MCM10: variants seen among roughly 807,000 people sequenced by gnomAD.
MCM10 encodes the protein protein MCM10 homolog.
Under a neutral mutation model 109.9 loss-of-function variants are expected in MCM10, and 91 were observed. The observed-to-expected ratio is 0.83, with a 90% CI of 0.70 to 0.99. The LOEUF is 0.99. Ranked by LOEUF, MCM10 falls within the 50% of genes least tolerant of loss-of-function variation. The pLI is 0.00. For missense variants in MCM10, 1,077 were observed against 1,061.2 expected (o/e 1.01, Z -0.21); for synonymous variants, 380 against 387.2 (o/e 0.98, Z 0.22).
At chr10:13,190,967 A>G (rs1039590347) in intron 10 of MCM10, among the ~76,000 whole-genome samples, 19 of 152,348 alleles carry the variant, frequency 1.2e-4, no homozygotes, top group African/African-American at 4.3e-4. Context: ...AGCTGCCATT[A>G]ATATCCTAAA....
chr10:13,187,813 G>A (rs1834294150), intron 9 of MCM10, among the ~76,000 whole-genome samples: 1 of 152,082 alleles, frequency 6.6e-6, no homozygotes, highest in South Asian at 2.1e-4. Context: ...TCAGAGTGAA[G>A]TACCCAACAG....
intron 18 of MCM10, 79 bp from the exon 19 acceptor site, chr10:13,209,012 C>A: frequency 1.0e-6 from 1 of 971,230 alleles, no homozygotes; most frequent in Non-Finnish European, 1.7e-6. Flanking sequence ...CTACTCTCCC[C>A]AGGTGCAGTG....
chr10:13,175,693 A>C lies in MCM10; in HGVS notation c.764+12A>C. On this transcript the variant is annotated intron_variant, in intron 6 of 19. Coordinates refer to ENST00000378714, the MANE Select transcript of MCM10 (RefSeq NM_018518.5). The stretch of plus-strand genomic sequence containing the variant: ...GGTCTGCGGCTCAGGTCAGTAGCTA[A>C]ACCATCTATTCATGTGCGCCACGGC... 1 of 1,576,754 alleles carries C rather than the reference A, an allele frequency of 6.3e-7. No homozygotes were observed. Among genetic ancestry groups the C allele is most frequent in the East Asian group, 2.3e-5 (1 of 44,320 alleles).
chr10:13,182,858 G>T lies in MCM10; in HGVS notation c.931-75G>T. On this transcript the variant is annotated intron_variant, in intron 7 of 19. Transcript: ENST00000378714. This position sits in a 1 kb window ranked among gnomAD's most constrained non-coding sequence, Gnocchi z 4.2. ...GATTATAGGCATATAGTTTTCCATA[G>T]TAAAACTCTTGAATCATAAATGAGG... 8.1e-7 allele frequency: 1 copy of T among 1,229,328 alleles called. No individual in the cohort carries two copies. The allele number at this position is 1,229,328 out of a possible 1,614,324, so 76.2% of individuals were successfully genotyped here.
chr10:13,175,436 T>TAAAAAC, intron 5 of MCM10, 74 bp from the exon 6 acceptor site: 2 of 1,343,428 alleles, frequency 1.5e-6, no homozygotes, highest in Non-Finnish European at 2.1e-6. Flanking sequence ...AACAAATCCG[T>TAAAAAC]AAAAACAAAT....
chr10:13,200,343 TTGCAGACAG>T (rs1834481012), intron 16 of MCM10, among the ~76,000 whole-genome samples: 1 of 152,156 alleles, frequency 6.6e-6, no homozygotes, highest in Non-Finnish European at 1.5e-5. Context: ...GTCACATGCA[TTGCAGACAG>T]TGCAGCACCC....
At chr10:13,201,671 G>T (rs905819391) in intron 17 of MCM10, 137 bp downstream of exon 17, 12 of 666,692 alleles carry the variant, frequency 1.8e-5, no homozygotes, top group Admixed American at 2.5e-5. Context: ...AGCAAAGGGC[G>T]CAGGTGGCCC....
chr10:13,200,744 G>A (rs1048791106), intron 16 of MCM10, among the ~76,000 whole-genome samples: 1 of 152,274 alleles, frequency 6.6e-6, no homozygotes, highest in South Asian at 2.1e-4. Context: ...AATACCTTGT[G>A]TATGTGGAGT....
rs756325848 is a variant in MCM10 at position 13,210,572 on chromosome 10, T to C, written c.*1262T>C. On this transcript the variant is annotated 3_prime_UTR_variant, in exon 20 of 20. Transcript: ENST00000378714. ...ACTTTTGGGAGGTTGTTGTGGGAGA[T>C]GGTTGATTTAGGTTTTCAAAAGCTA... is the stretch of plus-strand genomic sequence containing the variant. The C allele has an allele frequency of 6.6e-6, 1 of 152,298 alleles. No homozygotes were observed. Among genetic ancestry groups the C allele is most frequent in the East Asian group, 1.9e-4 (1 of 5,192 alleles). The allele number at this position is 152,298 out of a possible 1,614,324, so 9.4% of individuals were successfully genotyped here.
Position 13,201,512 on chromosome 10 carries a change from G to T in MCM10, c.2330G>T (p.Cys777Phe). ...ATGAGAAACATCAGAGAAGTGAAGT[G>T]CCGTGTCGTGACATGCAAGACGGTG... is the stretch of plus-strand genomic sequence containing the variant. ...EKMRNIREVKCRVVTCKTCAY... is the reference protein window; with the variant it reads ...EKMRNIREVKFRVVTCKTCAY... Residue 777 changes from cysteine to phenylalanine, a missense_variant, in exon 17 of 20, where the codon TGC becomes TTC. Cys to Phe is a radical substitution (Grantham distance 205, BLOSUM62 -2). Transcript: ENST00000378714. 1 of 1,610,922 alleles carries T rather than the reference G, an allele frequency of 6.2e-7. No homozygotes were observed. Among genetic ancestry groups the T allele is most frequent in the Non-Finnish European group, 8.5e-7 (1 of 1,178,448 alleles).
intron 16 of MCM10, among the ~76,000 whole-genome samples, chr10:13,199,307 C>G (rs1183910313): frequency 6.6e-6 from 1 of 152,174 alleles, no homozygotes; most frequent in Admixed American, 6.5e-5. Context: ...TTGTCCTTGT[C>G]TCTTTACTGA....
Position 13,201,481 on chromosome 10 carries a change from G to T in MCM10, c.2299G>T (p.Glu767Ter). The T allele has an allele frequency of 6.2e-7, 1 of 1,613,132 alleles. No individual in the cohort carries two copies. Among genetic ancestry groups the T allele is most frequent in the Non-Finnish European group, 8.5e-7 (1 of 1,179,556 alleles). Residue 767 changes from glutamate to a stop codon, truncating the protein, a stop_gained, in exon 17 of 20, where the codon GAA becomes TAA. Coordinates refer to ENST00000378714, the MANE Select transcript of MCM10 (RefSeq NM_018518.5). LOFTEE classifies it high-confidence loss of function. ...ACTGGTGAAAAAAGAACAAATGGAA[G>T]AAAAGATGAGAAACATCAGAGAAGT... ...EPLVKKEQME[E>*]KMRNIREVKC...
chr10:13,189,227 C>G, intron 10 of MCM10, 147 bp downstream of exon 10: 1 of 808,306 alleles, frequency 1.2e-6, no homozygotes. Flanking sequence ...TGGTTAAAGA[C>G]CGCTTTTATT....
At chr10:13,204,985 T>G (rs1834551448) in intron 18 of MCM10, among the ~76,000 whole-genome samples, 1 of 19,460 alleles carries the variant, frequency 5.1e-5, no homozygotes, top group African/African-American at 1.5e-4. Context: ...GTGCTTCTCA[T>G]GTATGTATGT....
At chr10:13,197,114 A>C (rs562442003) in intron 14 of MCM10, among the ~76,000 whole-genome samples, 2 of 151,410 alleles carry the variant, frequency 1.3e-5, no homozygotes, top group East Asian at 4.0e-4. Context: ...GCCCAGATGA[A>C]GTCTCACTGT....
chr10:13,198,521 T>C (rs752953544), intron 15 of MCM10, among the ~76,000 whole-genome samples, 168 bp from the exon 16 acceptor site: 8 of 152,260 alleles, frequency 5.3e-5, no homozygotes, highest in Non-Finnish European at 1.0e-4. Flanking sequence ...AGGCTCAGCT[T>C]CTTGGCTCAC....
Position 13,198,730 on chromosome 10 carries a change from C to T in MCM10, c.2161C>T (p.Gln721Ter), listed in dbSNP as rs750943183. The change falls in exon 16 of 20, where the codon CAA (glutamine) becomes TAA (stop). Residue 721 changes from glutamine to a stop codon, truncating the protein, a stop_gained. Coordinates refer to ENST00000378714, the MANE Select transcript of MCM10 (RefSeq NM_018518.5). LOFTEE classifies it high-confidence loss of function. ...LEPARKKRRE[Q>*]LAYLESEEFQ... ...GCCTGCCAGGAAAAAAAGGAGAGAA[C>T]AACTTGCCTATCTGGAATCTGAGGA... The T allele has an allele frequency of 6.2e-7, 1 of 1,613,972 alleles. No individual in the cohort carries two copies. Among genetic ancestry groups the T allele is most frequent in the East Asian group, 2.2e-5 (1 of 44,882 alleles).
intron 16 of MCM10, among the ~76,000 whole-genome samples, chr10:13,199,788 C>T (rs1000206029): frequency 6.6e-6 from 1 of 152,126 alleles, no homozygotes; most frequent in Non-Finnish European, 1.5e-5. Context: ...AATGGAGGCT[C>T]ACATAGGTTT....
intron 17 of MCM10, among the ~76,000 whole-genome samples, chr10:13,202,949 A>G (rs1010488565): frequency 1.3e-5 from 2 of 152,064 alleles, no homozygotes; most frequent in African/African-American, 4.8e-5. Context: ...GGTTCAAGCG[A>G]TTCTCGTGTC....
Sources: allele counts gnomAD v4.1 joint callset (sites outside exome capture counted in the v4.1 genomes callset), GRCh38; gene constraint gnomAD v4.1.1; non-coding constraint Gnocchi (gnomAD v3.1); transcripts MANE v1.5; gene names NCBI Gene and HGNC (gene_info 2026-07-23, HGNC 2026-07-21).